Variants in DPF3 observed in about 807,000 individuals in gnomAD.
DPF3 encodes double PHD fingers 3.
DPF3 carries 18 observed loss-of-function variants against 56.8 expected under a neutral mutation model. That is an observed-to-expected ratio of 0.32 (90% CI 0.22 to 0.47). The LOEUF is 0.47. DPF3 is among the 20% of genes least tolerant of loss of function. The pLI is 1.00. For missense variants in DPF3, 403 were observed against 488.8 expected, an observed-to-expected ratio of 0.82 and a Z score of 1.65; for synonymous variants, 188 against 180.2, an observed-to-expected ratio of 1.04 and a Z score of -0.35.
At chr14:72,676,201 T>C (rs116669659) in intron 7 of DPF3, among the ~76,000 whole-genome samples, 5,191 of 152,284 alleles carry the variant, frequency 0.034, 171 homozygotes, top group African/African-American at 0.084. Flanking sequence ...TTAAGTGTCA[T>C]GATTGATATG....
chr14:72,794,478 T>C (rs991397509), intron 1 of DPF3, among the ~76,000 whole-genome samples: 4 of 151,988 alleles, frequency 2.6e-5, no homozygotes, highest in Admixed American at 2.6e-4. Context: ...GCCAGCGGGG[T>C]CAGCAGTCAG....
intron 1 of DPF3, among the ~76,000 whole-genome samples, chr14:72,815,808 T>C (rs1022272752): frequency 6.6e-6 from 1 of 152,122 alleles, no homozygotes; most frequent in Non-Finnish European, 1.5e-5. Flanking sequence ...TCAAGGTCAG[T>C]TTCCTTATCT....
At chr14:72,736,169 T>A (rs10140317) in intron 3 of DPF3, among the ~76,000 whole-genome samples, 46,801 of 152,136 alleles carry the variant, frequency 0.31, 8,134 homozygotes, top group Middle Eastern at 0.4. Flanking sequence ...TAATAAGATA[T>A]TGTATCCGAT....
At chr14:72,719,069 CTTT>C (rs71448401) in intron 5 of DPF3, among the ~76,000 whole-genome samples, 2 of 100,712 alleles carry the variant, frequency 2.0e-5, no homozygotes, top group Admixed American at 1.2e-4. Context: ...CGTGCCAGGC[CTTT>C]TTTTTTTTTT....
intron 3 of DPF3, among the ~76,000 whole-genome samples, chr14:72,740,247 G>A (rs1036613671): frequency 6.6e-5 from 10 of 152,186 alleles, no homozygotes; most frequent in South Asian, 2.1e-4. Flanking sequence ...GAATGTTGGC[G>A]TCCACCCCAA....
chr14:72,653,776 G>A (rs1438842343), intron 8 of DPF3, among the ~76,000 whole-genome samples: 4 of 152,182 alleles, frequency 2.6e-5, no homozygotes, highest in Non-Finnish European at 4.4e-5. Context: ...CCACCCAGCA[G>A]GTAGTGTCAT....
intron 1 of DPF3, among the ~76,000 whole-genome samples, chr14:72,786,315 C>T (rs148482122): frequency 1.3e-5 from 2 of 152,188 alleles, no homozygotes; most frequent in East Asian, 1.9e-4. Flanking sequence ...GTGACGTCCT[C>T]GGGACATACC....
At chr14:72,861,760 A>AAAGG (rs1885432172) in intron 1 of DPF3, among the ~76,000 whole-genome samples, 1 of 148,998 alleles carries the variant, frequency 6.7e-6, no homozygotes, top group East Asian at 1.9e-4. Context: ...AGAAAGAAAG[A>AAAGG]AAGAAAGAAA....
intron 8 of DPF3, among the ~76,000 whole-genome samples, chr14:72,651,104 G>A (rs1885894776): frequency 1.3e-5 from 2 of 152,216 alleles, no homozygotes; most frequent in Non-Finnish European, 1.5e-5. Flanking sequence ...GACTTGCTCA[G>A]GGTACAGGAA....
At chr14:72,655,597 C>T (rs1004383757) in intron 8 of DPF3, among the ~76,000 whole-genome samples, 1 of 152,212 alleles carries the variant, frequency 6.6e-6, no homozygotes, top group African/African-American at 2.4e-5. Context: ...CTCTTTTTCA[C>T]ATACTTGGCA....
At chr14:72,671,388 A>G (rs748390452) in intron 8 of DPF3, 2 of 1,600,456 alleles carry the variant, frequency 1.2e-6, no homozygotes, top group East Asian at 2.2e-5. Context: ...AACAGACAGC[A>G]TTATTAATAT....
intron 3 of DPF3, among the ~76,000 whole-genome samples, chr14:72,743,801 C>T (rs1890224791): frequency 6.6e-6 from 1 of 152,192 alleles, no homozygotes; most frequent in Non-Finnish European, 1.5e-5. Flanking sequence ...CGGGGGAGGC[C>T]CCTTGCTGGC....
At position 72,616,459 on chromosome 14, in the gene DPF3, G is replaced by A. The variant is rs941670685; in HGVS notation, c.*2838C>T. Among the ~76,000 whole-genome samples the A allele has an allele frequency of 6.6e-6, 1 of 152,088 alleles. No homozygotes were observed. The highest frequency in any genetic ancestry group is 2.4e-5 in the African/African-American group (1 of 41,414). On this transcript the variant is annotated 3_prime_UTR_variant, in exon 11 of 11. Transcript: ENST00000556509. ...AGCCCTGGCAATATAAACTCCCTTT[G>A]GTCACAAGGGAGATTTGAAGAAGAC...
Position 72,609,374 on chromosome 14 carries a change from C to A in DPF3, c.*9923G>T, listed in dbSNP as rs752041991. 6.6e-6 allele frequency among the ~76,000 whole-genome samples: 1 copy of A among 152,168 alleles called. No homozygotes were observed. The highest frequency in any genetic ancestry group is 1.5e-5 in the Non-Finnish European group (1 of 68,034). On this transcript the variant is annotated 3_prime_UTR_variant, in exon 11 of 11. Transcript: ENST00000556509. Reference sequence around the variant, plus strand: ...TCTGAATGAAGAGTGAGTCCCGGGTCAGGAGTCCACATCAGGTGTGGGCTG... The same window carrying A: ...TCTGAATGAAGAGTGAGTCCCGGGTAAGGAGTCCACATCAGGTGTGGGCTG...
At chr14:72,834,268 G>A (rs1414476473) in intron 1 of DPF3, among the ~76,000 whole-genome samples, 3 of 151,768 alleles carry the variant, frequency 2.0e-5, no homozygotes, top group South Asian at 2.1e-4. Context: ...AGGCCAAGGC[G>A]GGTGGATTAC....
rs766452346 is a variant in DPF3, at chr14:72,616,085, A to T, written c.*3212T>A. 1.3e-5 allele frequency among the ~76,000 whole-genome samples: 2 copies of T among 152,186 alleles called. No homozygotes were observed. The highest frequency in any genetic ancestry group is 2.9e-5 in the Non-Finnish European group (2 of 68,030). On this transcript the variant is annotated 3_prime_UTR_variant, in exon 11 of 11. Transcript: ENST00000556509. ...ATGGAGTGGGGACCATCATCATGCC[A>T]GACCCGGGCCAGGATCTTTACCAAT...
intron 1 of DPF3, among the ~76,000 whole-genome samples, chr14:72,822,287 G>A (rs4520784): frequency 0.094 from 14,252 of 152,116 alleles, 828 homozygotes; most frequent in Admixed American, 0.18. Flanking sequence ...AGGCTGAGGT[G>A]GGAGGATCAC....
At chr14:72,805,749 G>T (rs1364753086) in intron 1 of DPF3, among the ~76,000 whole-genome samples, 1 of 152,160 alleles carries the variant, frequency 6.6e-6, no homozygotes, top group Non-Finnish European at 1.5e-5. Context: ...GGGAGGCCTG[G>T]GTATTAGAAT....
intron 8 of DPF3, among the ~76,000 whole-genome samples, chr14:72,649,666 G>T (rs918829079): frequency 7.7e-6 from 1 of 129,596 alleles, no homozygotes; most frequent in Admixed American, 8.0e-5. Flanking sequence ...TGGGTGGGGG[G>T]GGGGATTAAT....
Sources: allele counts gnomAD v4.1 joint callset (sites outside exome capture counted in the v4.1 genomes callset), GRCh38; gene constraint gnomAD v4.1.1; transcripts MANE v1.5; gene names NCBI Gene and HGNC (gene_info 2026-07-23, HGNC 2026-07-21).